Variants in SPA17 observed in about 807,000 individuals in gnomAD.
SPA17 encodes sperm surface protein Sp17.
Under a neutral mutation model 13.8 loss-of-function variants are expected in SPA17, and 7 were observed. That is an observed-to-expected ratio of 0.51 (90% confidence interval 0.29 to 0.95). The LOEUF (loss-of-function observed/expected upper bound fraction) is 0.95, where lower values mean the gene tolerates loss of function less well. SPA17 is among the 40% of genes least tolerant of loss of function. SPA17 has a pLI of 0.08. For missense variants in SPA17, 170 were observed against 179.3 expected, an observed-to-expected ratio of 0.95 and a Z score of 0.30; for synonymous variants, 61 against 59.0, an observed-to-expected ratio of 1.03 and a Z score of -0.16.
chr11:124,691,755 G>A lies in SPA17; in HGVS notation c.285G>A (p.Lys95=), dbSNP rs774807760. The change falls in exon 4 of 5, where the codon AAG becomes AAA. Residue 95 remains lysine, a synonymous_variant. Coordinates refer to ENST00000227135, the MANE Select transcript of SPA17 (RefSeq NM_017425.4). ...AAGAAGAGTCTCAGATATCTGGGAA[G>A]GAGGAAGAGACATCAGTCACCATCT... ...PKQEESQISG[K]EEETSVTILD... is the part of the protein sequence containing the mutation. 1.2e-6 allele frequency: 2 copies of A among 1,611,676 alleles called. No individual in the cohort carries two copies. Among genetic ancestry groups the A allele is most frequent in the East Asian group, 4.5e-5 (2 of 44,722 alleles).
At chr11:124,674,013 C>T in intron 1 of SPA17, 61 bp downstream of exon 1, 1 of 414,458 alleles carries the variant, frequency 2.4e-6, no homozygotes, top group Non-Finnish European at 4.4e-6. Context: ...CTTCGTCTCT[C>T]TTATTCTCTC....
chr11:124,693,335 A>G (rs966612106), intron 4 of SPA17, among the ~76,000 whole-genome samples: 5 of 152,226 alleles, frequency 3.3e-5, no homozygotes, highest in Admixed American at 3.3e-4. Context: ...AAGGTACATC[A>G]GTATAATATA....
At chr11:124,678,209 A>G (rs1304552779) in intron 2 of SPA17, among the ~76,000 whole-genome samples, 1 of 151,990 alleles carries the variant, frequency 6.6e-6, no homozygotes, top group Non-Finnish European at 1.5e-5. Context: ...CAACTGAATT[A>G]TATATATAGC....
chr11:124,681,460 G>A lies in SPA17; in HGVS notation c.225+1G>A, dbSNP rs916996750. 3.2e-6 allele frequency: 5 copies of A among 1,569,460 alleles called. No homozygotes were observed. The Admixed American group carries it at 5.3e-5, about 17-fold the overall frequency. ...CTTCTATAACAATCATGCATTCGAG[G>A]TATGGTCCTTTGAAGCTGTTGGATT... On this transcript the variant is annotated splice_donor_variant, in intron 3 of 4. Coordinates refer to ENST00000227135, the MANE Select transcript of SPA17 (RefSeq NM_017425.4). LOFTEE classifies it high-confidence loss of function.
At chr11:124,689,082 A>G (rs769138728) in intron 3 of SPA17, among the ~76,000 whole-genome samples, 1 of 152,118 alleles carries the variant, frequency 6.6e-6, no homozygotes, top group African/African-American at 2.4e-5. Flanking sequence ...CTCTTCAATA[A>G]ATAGTGCTAG....
At chr11:124,693,290 G>A (rs577764343) in intron 4 of SPA17, among the ~76,000 whole-genome samples, 16 of 152,020 alleles carry the variant, frequency 1.1e-4, no homozygotes, top group Non-Finnish European at 2.2e-4. Context: ...GCAACCCAAA[G>A]GTCCATTAAT....
intron 3 of SPA17, among the ~76,000 whole-genome samples, chr11:124,683,447 A>C (rs1244935679): frequency 1.3e-5 from 2 of 152,096 alleles, no homozygotes; most frequent in East Asian, 3.9e-4. Flanking sequence ...AGACAAAAGG[A>C]ACAAAACTCC....
At chr11:124,677,054 C>G (rs575770323) in intron 2 of SPA17, among the ~76,000 whole-genome samples, 1 of 152,098 alleles carries the variant, frequency 6.6e-6, no homozygotes, top group Non-Finnish European at 1.5e-5. Context: ...AAAACATTTG[C>G]GTCATTGTTA....
At chr11:124,685,535 C>G (rs890598869) in intron 3 of SPA17, among the ~76,000 whole-genome samples, 45 of 152,302 alleles carry the variant, frequency 3.0e-4, no homozygotes, top group African/African-American at 1.1e-3. Flanking sequence ...TGGGGCACTG[C>G]CTGGTGGAGC....
chr11:124,687,265 C>T (rs561923829), intron 3 of SPA17, among the ~76,000 whole-genome samples: 44 of 152,126 alleles, frequency 2.9e-4, no homozygotes, highest in East Asian at 1.4e-3. Context: ...AGACTAATAA[C>T]GAGTAGCAAG....
chr11:124,674,140 C>T, intron 1 of SPA17, 188 bp downstream of exon 1: 1 of 204,942 alleles, frequency 4.9e-6, no homozygotes, highest in Non-Finnish European at 1.0e-5. Flanking sequence ...CCCGTCTGCC[C>T]CCTCCGCCCG....
At chr11:124,675,450 A>G in intron 2 of SPA17, 32 bp downstream of exon 2, 1 of 1,599,552 alleles carries the variant, frequency 6.3e-7, no homozygotes, top group Admixed American at 1.8e-5. Flanking sequence ...ATTTTTTAAA[A>G]TAAGAAACTA....
chr11:124,691,316 T>C (rs977445496), intron 3 of SPA17, among the ~76,000 whole-genome samples: 11 of 152,314 alleles, frequency 7.2e-5, no homozygotes, highest in African/African-American at 2.6e-4. Flanking sequence ...TGCCATTTAT[T>C]TTATTCCTAT....
Position 124,696,089 on chromosome 11 carries a change from T to C in SPA17, c.*1643T>C, listed in dbSNP as rs1174788754. On this transcript the variant is annotated 3_prime_UTR_variant, in exon 5 of 5. Transcript: ENST00000227135. ...ACAGGCAGCCTTTCTCCTTCCAAAA[T>C]CTTGCTGCCACTGTAGAGAGTTTCA... 6.6e-6 allele frequency: 1 copy of C among 152,240 alleles called. No homozygotes were observed. The highest frequency in any genetic ancestry group is 1.5e-5 in the Non-Finnish European group (1 of 68,066). The allele number at this position is 152,240 out of a possible 1,614,324, so 9.4% of individuals were successfully genotyped here.
chr11:124,694,503 T>A lies in SPA17; in HGVS notation c.*57T>A. The A allele has an allele frequency of 6.5e-7, 1 of 1,540,926 alleles. No homozygotes were observed. The highest frequency in any genetic ancestry group is 8.7e-7 in the Non-Finnish European group (1 of 1,144,354). On this transcript the variant is annotated 3_prime_UTR_variant, in exon 5 of 5. Transcript: ENST00000227135. ...AAATAATCCAAATCCATCAACCTTCTTATTAATGTCATTTCTTCCTGAGGA... is the reference window on the plus strand; with the variant it reads ...AAATAATCCAAATCCATCAACCTTCATATTAATGTCATTTCTTCCTGAGGA...
intron 3 of SPA17, among the ~76,000 whole-genome samples, chr11:124,683,874 A>G (rs1300536437): frequency 6.6e-6 from 1 of 152,228 alleles, no homozygotes; most frequent in East Asian, 1.9e-4. Flanking sequence ...CTGCAATACA[A>G]TAATAGTGAG....
rs1415401168 is a variant in SPA17 at position 124,695,410 on chromosome 11, GT to G, written c.*967del. 1.0e-4 allele frequency: 15 copies of G among 148,134 alleles called. No homozygotes were observed. Among genetic ancestry groups the G allele is most frequent in the African/African-American group, 3.1e-4 (12 of 38,766 alleles). 9.2% of individuals were successfully genotyped at this position (148,134 alleles called of 1,614,324 possible). A position where few individuals can be genotyped will look rare whatever the true frequency, so the allele number is the denominator to read the frequency against. On this transcript the variant is annotated 3_prime_UTR_variant, in exon 5 of 5. Coordinates refer to ENST00000227135, the MANE Select transcript of SPA17 (RefSeq NM_017425.4). The stretch of plus-strand genomic sequence containing the variant: ...TTTTAAATATACAATGGTAATGCCT[GT>G]TTAACAAACTCAGAGGCTTTATCTC...
In SPA17 at chr11:124,694,558, CGTTACT is replaced by C; in HGVS notation, c.*116_*121del. 1 of 1,364,768 alleles carries C rather than the reference CGTTACT, an allele frequency of 7.3e-7. No homozygotes were observed. The highest frequency in any genetic ancestry group is 2.3e-5 in the East Asian group (1 of 42,610). 84.5% of individuals were successfully genotyped at this position (1,364,768 alleles called of 1,614,324 possible). On this transcript the variant is annotated 3_prime_UTR_variant, in exon 5 of 5. Coordinates refer to ENST00000227135, the MANE Select transcript of SPA17 (RefSeq NM_017425.4). The stretch of plus-strand genomic sequence containing the variant: ...AGATTTGATGTTGTGAAATAACATT[CGTTACT>C]GTTGTGAAAATCTGTCATGAGCATT...
chr11:124,687,459 A>G (rs951684315), intron 3 of SPA17, among the ~76,000 whole-genome samples: 1 of 152,138 alleles, frequency 6.6e-6, no homozygotes, highest in African/African-American at 2.4e-5. Flanking sequence ...TATGAGGCCA[A>G]TATCACCCTA....
Sources: gnomAD v4.1 joint callset for allele counts (sites outside exome capture counted in the v4.1 genomes callset) on GRCh38, gnomAD v4.1.1 for gene constraint, MANE v1.5 for transcripts, NCBI Gene and HGNC (gene_info 2026-07-23, HGNC 2026-07-21) for gene names.